DNMBP: variants seen among roughly 807,000 people sequenced by gnomAD.
DNMBP encodes the protein dynamin-binding protein.
In DNMBP, 87 loss-of-function variants were observed where a neutral mutation model predicts 150.0. The observed-to-expected ratio is 0.58, with a 90% CI of 0.49 to 0.69. The LOEUF (loss-of-function observed/expected upper bound fraction) is 0.69. DNMBP is among the 30% of genes least tolerant of loss of function. The pLI is 0.00. For missense variants in DNMBP, 1,774 were observed against 1,949.0 expected, an observed-to-expected ratio of 0.91 and a Z score of 1.69; for synonymous variants, 711 against 750.4, an observed-to-expected ratio of 0.95 and a Z score of 0.86.
At chr10:99,896,136 T>C (rs1458961950) in intron 10 of DNMBP, 131 bp downstream of exon 10, 5 of 1,032,934 alleles carry the variant, frequency 4.8e-6, no homozygotes, top group Non-Finnish European at 7.0e-6. Context: ...GAGGGCCCTG[T>C]CTCCACCAGC....
intron 10 of DNMBP, among the ~76,000 whole-genome samples, chr10:99,895,483 C>T (rs1445739965): frequency 6.6e-6 from 1 of 152,176 alleles, no homozygotes; most frequent in Non-Finnish European, 1.5e-5. Flanking sequence ...TTAATGTTTT[C>T]CTGAATCATA....
intron 11 of DNMBP, among the ~76,000 whole-genome samples, chr10:99,891,673 A>G (rs936280233): frequency 2.9e-5 from 4 of 139,320 alleles, no homozygotes; most frequent in African/African-American, 8.3e-5. Flanking sequence ...CTGGCTGCCC[A>G]GTCTGGAAAG....
At chr10:99,897,048 G>A (rs1365105355) in intron 9 of DNMBP, among the ~76,000 whole-genome samples, 2 of 152,194 alleles carry the variant, frequency 1.3e-5, no homozygotes, top group African/African-American at 2.4e-5. Context: ...ATCCTAATGC[G>A]GGTGACACAG....
At chr10:99,891,736 C>A (rs1016650566) in intron 11 of DNMBP, among the ~76,000 whole-genome samples, 3 of 145,490 alleles carry the variant, frequency 2.1e-5, no homozygotes, top group Non-Finnish European at 4.5e-5. Context: ...AGGAGCACCT[C>A]TTCCCGGCCG....
At position 99,898,073 on chromosome 10, in the gene DNMBP, A is replaced by G; in HGVS notation, c.2920+13T>C. The G allele has an allele frequency of 6.2e-7, 1 of 1,609,140 alleles. No individual in the cohort carries two copies. On this transcript the variant is annotated intron_variant, in intron 9 of 16. Coordinates refer to ENST00000324109, the MANE Select transcript of DNMBP (RefSeq NM_015221.4). ...AGGGCATACCTCCTTTTCAGCAATT[A>G]TGCTGTTCTTACCCAGGTCCTTTCG...
intron 11 of DNMBP, among the ~76,000 whole-genome samples, chr10:99,889,739 G>A (rs978143817): frequency 2.6e-5 from 4 of 151,962 alleles, no homozygotes; most frequent in Non-Finnish European, 5.9e-5. Flanking sequence ...TCTATTTCAA[G>A]GGCAAAAAGA....
intron 4 of DNMBP, chr10:99,913,998 G>A (rs1227083628): frequency 6.6e-7 from 1 of 1,504,738 alleles, no homozygotes; most frequent in Non-Finnish European, 8.9e-7. Context: ...GGGCCTGAGG[G>A]TAAGCAGGCG....
At chr10:99,943,025 G>C (rs1431434447) in intron 4 of DNMBP, among the ~76,000 whole-genome samples, 1 of 152,166 alleles carries the variant, frequency 6.6e-6, no homozygotes, top group African/African-American at 2.4e-5. Context: ...GCTTACACCT[G>C]TAATCCCAGC....
chr10:99,900,438 G>C (rs915960484), intron 6 of DNMBP, among the ~76,000 whole-genome samples: 1 of 151,674 alleles, frequency 6.6e-6, no homozygotes, highest in Non-Finnish European at 1.5e-5. Context: ...CTAATTTTTT[G>C]TATTTTTGGT....
intron 4 of DNMBP, among the ~76,000 whole-genome samples, chr10:99,954,752 A>T (rs1405715800): frequency 6.8e-6 from 1 of 148,016 alleles, no homozygotes; most frequent in Non-Finnish European, 1.5e-5. Context: ...CTCAAAAAAA[A>T]AAAAAAAAAA....
chr10:99,913,877 A>C, intron 4 of DNMBP: 1 of 1,261,026 alleles, frequency 7.9e-7, no homozygotes, highest in African/African-American at 1.5e-5. Context: ...GCCAGATCCC[A>C]GGTGCCCTTG....
At chr10:99,980,379 A>G (rs1010759142) in intron 1 of DNMBP, among the ~76,000 whole-genome samples, 3 of 151,850 alleles carry the variant, frequency 2.0e-5, no homozygotes, top group Non-Finnish European at 4.4e-5. Flanking sequence ...CCCAGAAGGC[A>G]GAGGTTGCAG....
At position 99,955,221 on chromosome 10, in the gene DNMBP, T is replaced by C; in HGVS notation, c.2253A>G (p.Gln751=). Residue 751 remains glutamine, a synonymous_variant, in exon 4 of 17, where the codon CAA becomes CAG. Coordinates refer to ENST00000324109, the MANE Select transcript of DNMBP (RefSeq NM_015221.4). ...NIESLNMELQ[Q]LREMTLLSSQ... is the part of the protein sequence containing the mutation. The stretch of plus-strand genomic sequence containing the variant: ...TATTTCCTCGTCACTTACCTCTTAG[T>C]TGCTGGAGTTCCATATTCAAACTTT... 6.2e-7 allele frequency: 1 copy of C among 1,612,434 alleles called. No individual in the cohort carries two copies. The highest frequency in any genetic ancestry group is 8.5e-7 in the Non-Finnish European group (1 of 1,178,734).
At chr10:99,976,233 A>T (rs2133360244) in intron 1 of DNMBP, among the ~76,000 whole-genome samples, 1 of 152,372 alleles carries the variant, frequency 6.6e-6, no homozygotes, top group South Asian at 2.1e-4. Context: ...TGCTATTTCA[A>T]ACATATAAAC....
In DNMBP at chr10:99,904,445, C is replaced by T. The variant is rs918887818; in HGVS notation, c.2554+3550G>A. ...CTTGATCATTCTCTATCTCAGCCACCTGCCCTTTGCCCGTGGCTCCATAAG... is the reference window on the plus strand; with the variant it reads ...CTTGATCATTCTCTATCTCAGCCACTTGCCCTTTGCCCGTGGCTCCATAAG... On this transcript the variant is annotated intron_variant, in intron 6 of 16. Transcript: ENST00000324109. 4.6e-5 allele frequency among the ~76,000 whole-genome samples: 7 copies of T among 152,244 alleles called. 1 individual carries two copies. The highest frequency in any genetic ancestry group is 4.6e-4 in the Admixed American group (7 of 15,288).
At chr10:99,928,502 C>T (rs756922351) in intron 4 of DNMBP, among the ~76,000 whole-genome samples, 1 of 152,126 alleles carries the variant, frequency 6.6e-6, no homozygotes, top group Non-Finnish European at 1.5e-5. Context: ...CATACACACA[C>T]ACGAAAGGTT....
At chr10:100,008,255 T>C (rs1390051200) in intron 1 of DNMBP, among the ~76,000 whole-genome samples, 1 of 152,232 alleles carries the variant, frequency 6.6e-6, no homozygotes, top group African/African-American at 2.4e-5. Context: ...CTGGTGCATA[T>C]TTAAACAGAT....
At chr10:99,923,062 T>C (rs1352382167) in intron 4 of DNMBP, among the ~76,000 whole-genome samples, 3 of 152,188 alleles carry the variant, frequency 2.0e-5, no homozygotes, top group East Asian at 1.9e-4. Context: ...AGCACCAGCC[T>C]GGCCAACTTG....
At chr10:99,895,827 A>T (rs908959954) in intron 10 of DNMBP, among the ~76,000 whole-genome samples, 2 of 152,230 alleles carry the variant, frequency 1.3e-5, no homozygotes, top group African/African-American at 4.8e-5. Context: ...ATTTTCCATG[A>T]ATTGTACCTT....
Sources: gnomAD v4.1 joint callset for allele counts (sites outside exome capture counted in the v4.1 genomes callset) on GRCh38, gnomAD v4.1.1 for gene constraint, MANE v1.5 for transcripts, NCBI Gene and HGNC (gene_info 2026-07-23, HGNC 2026-07-21) for gene names.